Variants in SAFB observed in about 807,000 individuals in gnomAD.
SAFB encodes the protein scaffold attachment factor B1.
SAFB carries 15 observed loss-of-function variants against 101.6 expected under a neutral mutation model. That is an observed-to-expected ratio of 0.15 (90% CI 0.10 to 0.23). SAFB has a LOEUF of 0.23. SAFB is among the 10% of genes least tolerant of loss of function. The pLI, the probability that SAFB is intolerant of heterozygous loss-of-function variation, is 1.00. For missense variants in SAFB, 930 were observed against 1,104.1 expected, an observed-to-expected ratio of 0.84 and a Z score of 2.23; for synonymous variants, 449 against 407.5, an observed-to-expected ratio of 1.10 and a Z score of -1.23.
intron 4 of SAFB, chr19:5,642,179 A>G (rs1171769610): frequency 3.5e-6 from 2 of 572,528 alleles, no homozygotes; most frequent in African/African-American, 3.7e-5. Flanking sequence ...AGACATTTTG[A>G]GGACAACCAT....
intron 2 of SAFB, among the ~76,000 whole-genome samples, chr19:5,636,478 G>T (rs1447177410): frequency 6.6e-6 from 1 of 152,022 alleles, no homozygotes; most frequent in Non-Finnish European, 1.5e-5. Flanking sequence ...GGATTTCCCA[G>T]CCAACTGACC....
intron 13 of SAFB, among the ~76,000 whole-genome samples, chr19:5,654,695 T>C (rs1341022383): frequency 6.6e-6 from 1 of 152,184 alleles, no homozygotes; most frequent in East Asian, 1.9e-4. Context: ...GCGATTCTCC[T>C]GCCTCAGCCT....
At chr19:5,662,610 C>T (rs1471074056) in intron 15 of SAFB, among the ~76,000 whole-genome samples, 3 of 151,236 alleles carry the variant, frequency 2.0e-5, no homozygotes, top group African/African-American at 4.9e-5. Flanking sequence ...GAGCGCCACA[C>T]GTGCCCTACT....
intron 14 of SAFB, among the ~76,000 whole-genome samples, chr19:5,661,282 A>C (rs974136957): frequency 6.6e-6 from 1 of 152,068 alleles, no homozygotes; most frequent in African/African-American, 2.4e-5. Context: ...GAAATGTTGG[A>C]GAAAGGAGGC....
At chr19:5,629,037 T>C (rs1195507539) in intron 2 of SAFB, among the ~76,000 whole-genome samples, 1 of 152,190 alleles carries the variant, frequency 6.6e-6, no homozygotes, top group Non-Finnish European at 1.5e-5. Context: ...CCTCAAGCAG[T>C]GCTTTCACCT....
intron 2 of SAFB, among the ~76,000 whole-genome samples, chr19:5,629,753 G>A (rs1366882577): frequency 6.6e-6 from 1 of 152,150 alleles, no homozygotes; most frequent in African/African-American, 2.4e-5. Flanking sequence ...TTTTCACATA[G>A]CTAGTTTACA....
chr19:5,654,525 G>GTAATTCCCTAAGAC, intron 13 of SAFB, 69 bp downstream of exon 13: 1 of 915,806 alleles, frequency 1.1e-6, no homozygotes, highest in Non-Finnish European at 1.8e-6. Flanking sequence ...GTGCGTCTTA[G>GTAATTCCCTAAGAC]GGAATTACTA....
At chr19:5,661,311 A>G (rs2054196163) in intron 14 of SAFB, among the ~76,000 whole-genome samples, 1 of 151,520 alleles carries the variant, frequency 6.6e-6, no homozygotes, top group Admixed American at 6.6e-5. Flanking sequence ...GATCACACAC[A>G]CACAGCCTGG....
intron 2 of SAFB, among the ~76,000 whole-genome samples, chr19:5,638,713 TC>T (rs1227510074): frequency 3.4e-5 from 5 of 145,674 alleles, no homozygotes; most frequent in Admixed American, 3.4e-4. Context: ...TTAATCTTAG[TC>T]TTTTTTTTTT....
rs2054280616 is a variant in SAFB at position 5,664,234 on chromosome 19, G to C, written c.2291+75G>C. The C allele has an allele frequency of 1.9e-6, 3 of 1,543,206 alleles. No individual in the cohort carries two copies. In the South Asian group the frequency reaches 3.5e-5, roughly 18 times the overall value. On this transcript the variant is annotated intron_variant, in intron 16 of 20. Transcript: ENST00000588852. ...TCTGACTGAGAACAAGGACTCCTGG[G>C]CTCTCTGAACCCACTCCGTTCATCA... is the stretch of plus-strand genomic sequence containing the variant.
At chr19:5,647,597 C>G (rs1224163588) in intron 5 of SAFB, among the ~76,000 whole-genome samples, 1 of 152,182 alleles carries the variant, frequency 6.6e-6, no homozygotes, top group Non-Finnish European at 1.5e-5. Context: ...CCACCTGGGC[C>G]CATATTCCCT....
At chr19:5,662,067 A>G (rs1599383699) in intron 15 of SAFB, among the ~76,000 whole-genome samples, 1 of 152,108 alleles carries the variant, frequency 6.6e-6, no homozygotes, top group East Asian at 1.9e-4. Context: ...TTGTATTTTC[A>G]GTAGAGACGG....
chr19:5,633,698 G>A (rs900279994), intron 2 of SAFB, among the ~76,000 whole-genome samples: 6 of 151,922 alleles, frequency 3.9e-5, no homozygotes, highest in African/African-American at 1.2e-4. Flanking sequence ...AGAATGGCGT[G>A]AACCCGGGAG....
intron 2 of SAFB, among the ~76,000 whole-genome samples, chr19:5,638,714 C>CT (rs758543978): frequency 0.04 from 4,627 of 116,342 alleles, 132 homozygotes; most frequent in Middle Eastern, 0.061. Context: ...TAATCTTAGT[C>CT]TTTTTTTTTT....
At chr19:5,625,265 A>G (rs2053333125) in intron 1 of SAFB, among the ~76,000 whole-genome samples, 2 of 152,166 alleles carry the variant, frequency 1.3e-5, no homozygotes, top group Admixed American at 1.3e-4. Flanking sequence ...GGGAAACAGG[A>G]CACCTGCCTA....
In SAFB at chr19:5,649,271, C is replaced by T. The variant is rs1244549637; in HGVS notation, c.920C>T (p.Thr307Met). 5 of 355,622 alleles carry T rather than the reference C, an allele frequency of 1.4e-5. No homozygotes were observed. The highest frequency in any genetic ancestry group is 9.0e-5 in the African/African-American group (1 of 11,128). 22.0% of individuals were successfully genotyped at this position (355,622 alleles called of 1,614,324 possible). A position where few individuals can be genotyped will look rare whatever the true frequency, so the allele number is the denominator to read the frequency against. Reference protein sequence around the residue: ...PAEQPGDGERTDCEPVGLEPA... With the variant: ...PAEQPGDGERMDCEPVGLEPA... ...GAGCAGCCAGGCGATGGCGAGAGGA[C>T]GGACTGTGAGCCTGTAGGGCTAGAG... The change falls in exon 7 of 21, where the codon ACG becomes ATG. Residue 307 changes from threonine to methionine, a missense_variant. By Grantham distance (81) the Thr-to-Met change is moderately conservative (BLOSUM62 -1). Coordinates refer to ENST00000588852, the MANE Select transcript of SAFB (RefSeq NM_001201338.2).
chr19:5,641,905 G>A lies in SAFB; in HGVS notation c.505G>A (p.Gly169Arg), dbSNP rs752202368. The change falls in exon 4 of 21, where the codon GGG (glycine) becomes AGG (arginine). Residue 169 changes from glycine to arginine, a missense_variant. Gly to Arg is a moderately radical substitution (Grantham distance 125). Transcript: ENST00000588852. ...SLSDSRELVE[G>R]EMKELPEQLQ... ...GTCGGATAGTAGAGAGCTAGTCGAGGGGGAAATGAAAGAGCTTCCGGAGCA... is the reference window on the plus strand; with the variant it reads ...GTCGGATAGTAGAGAGCTAGTCGAGAGGGAAATGAAAGAGCTTCCGGAGCA... The A allele has an allele frequency of 6.2e-6, 10 of 1,614,194 alleles. No individual in the cohort carries two copies. Among genetic ancestry groups the A allele is most frequent in the South Asian group, 1.1e-5 (1 of 91,064 alleles).
intron 14 of SAFB, among the ~76,000 whole-genome samples, chr19:5,658,581 T>C (rs2054118673): frequency 6.6e-6 from 1 of 152,102 alleles, no homozygotes; most frequent in Admixed American, 6.6e-5. Context: ...GGCTCAAGCC[T>C]GTAATCCCAG....
At chr19:5,661,423 C>G in intron 14 of SAFB, 95 bp from the exon 15 acceptor site, 3 of 1,558,800 alleles carry the variant, frequency 1.9e-6, no homozygotes, top group Non-Finnish European at 2.6e-6. Context: ...ACGCACAGCC[C>G]TGGAGTCTGT....
Sources: gnomAD v4.1 joint callset for allele counts (sites outside exome capture counted in the v4.1 genomes callset) on GRCh38, gnomAD v4.1.1 for gene constraint, MANE v1.5 for transcripts, NCBI Gene and HGNC (gene_info 2026-07-23, HGNC 2026-07-21) for gene names.